The following FALEC variants were observed in gnomAD, a reference collection of about 807,000 sequenced individuals.
FALEC encodes the protein focally amplified lncRNA regulator of ECM1, also known as focally amplified lncRNA on chromosome 1.
chr1:150,535,835 A>T, the FALEC span, among the ~76,000 whole-genome samples: 3 of 152,304 alleles, frequency 2.0e-5, no homozygotes, highest in East Asian at 5.8e-4. Context: ...TCGGTCCAGC[A>T]ACTGGAGAAC....
At chr1:150,519,928 G>A (rs61819393), downstream of FALEC, among the ~76,000 whole-genome samples, 16,524 of 150,876 alleles carry the variant, frequency 0.11, 1,361 homozygotes, top group East Asian at 0.44. Flanking sequence ...CGAGGCAGAC[G>A]GATCACCTGA....
chr1:150,518,782 C>T (rs1473909017), downstream of FALEC, among the ~76,000 whole-genome samples: 1 of 152,032 alleles, frequency 6.6e-6, no homozygotes, highest in African/African-American at 2.4e-5. Context: ...CCTGGCCGGG[C>T]GCTGTGGCTC....
chr1:150,520,006 G>A (rs12067584), downstream of FALEC, among the ~76,000 whole-genome samples: 51 of 152,140 alleles, frequency 3.4e-4, no homozygotes, highest in African/African-American at 9.9e-4. Flanking sequence ...AAAATTAGCC[G>A]GGTGTGGTGG....
At chr1:150,534,433 G>T in the FALEC span, among the ~76,000 whole-genome samples, 1 of 152,210 alleles carries the variant, frequency 6.6e-6, no homozygotes, top group South Asian at 2.1e-4. Context: ...GAGTTCTTAT[G>T]AAGGGTTCAG....
chr1:150,516,548 A>G (rs1258890132), intron 1 of FALEC, among the ~76,000 whole-genome samples: 1 of 152,228 alleles, frequency 6.6e-6, no homozygotes, highest in Non-Finnish European at 1.5e-5. Context: ...GTGAGTTTGG[A>G]TAGAGCCTGG....
chr1:150,525,094 A>T, the FALEC span, among the ~76,000 whole-genome samples: 1 of 151,978 alleles, frequency 6.6e-6, no homozygotes, highest in Non-Finnish European at 1.5e-5. Context: ...CAGGAGTTCG[A>T]GACCAGCCTG....
the FALEC span, among the ~76,000 whole-genome samples, chr1:150,524,923 A>G: frequency 6.8e-6 from 1 of 146,586 alleles, no homozygotes; most frequent in Non-Finnish European, 1.5e-5. Context: ...TGAGCCCAGG[A>G]GTTTGAGGGT....
chr1:150,525,454 TAAAA>T, the FALEC span, among the ~76,000 whole-genome samples: 1 of 149,744 alleles, frequency 6.7e-6, no homozygotes, highest in Non-Finnish European at 1.5e-5. Flanking sequence ...GACCATGTCT[TAAAA>T]AACAAACAAA....
the FALEC span, among the ~76,000 whole-genome samples, chr1:150,533,726 C>G: frequency 6.6e-6 from 1 of 151,892 alleles, no homozygotes; most frequent in Non-Finnish European, 1.5e-5. Flanking sequence ...CATGAGCCAC[C>G]GTGCCCAGCC....
At chr1:150,522,114 G>C (rs1366436649), downstream of FALEC, among the ~76,000 whole-genome samples, 1 of 152,060 alleles carries the variant, frequency 6.6e-6, no homozygotes, top group Non-Finnish European at 1.5e-5. Flanking sequence ...GGGTGTGGTG[G>C]CCTGTGCCTG....
the FALEC span, among the ~76,000 whole-genome samples, chr1:150,523,864 C>T: frequency 0.017 from 2,571 of 152,074 alleles, 74 homozygotes; most frequent in African/African-American, 0.056. Flanking sequence ...GAATTATCTG[C>T]GCAGACTCTA....
At chr1:150,534,710 C>T in the FALEC span, among the ~76,000 whole-genome samples, 31 of 152,028 alleles carry the variant, frequency 2.0e-4, no homozygotes, top group African/African-American at 7.2e-4. Flanking sequence ...GGTGTGGTGG[C>T]GCGTGGCTGT....
At chr1:150,535,694 C>T in the FALEC span, among the ~76,000 whole-genome samples, 16 of 151,290 alleles carry the variant, frequency 1.1e-4, no homozygotes, top group East Asian at 2.1e-3. Context: ...TGGTCCATGG[C>T]CCCCTCCACA....
chr1:150,535,160 C>T, the FALEC span, among the ~76,000 whole-genome samples: 4 of 152,126 alleles, frequency 2.6e-5, no homozygotes, highest in South Asian at 4.1e-4. Flanking sequence ...CTGAGGCCTT[C>T]GAAATGGCTT....
the FALEC span, among the ~76,000 whole-genome samples, chr1:150,523,441 G>A: frequency 2.6e-5 from 4 of 151,520 alleles, no homozygotes; most frequent in East Asian, 5.9e-4. Context: ...GATCACCTGA[G>A]GTCAGGAGTT....
chr1:150,534,878 C>G, the FALEC span, among the ~76,000 whole-genome samples: 1 of 151,950 alleles, frequency 6.6e-6, no homozygotes, highest in Admixed American at 6.6e-5. Flanking sequence ...CTAACTCTCT[C>G]CAGAATCTTG....
the FALEC span, among the ~76,000 whole-genome samples, chr1:150,535,951 A>G: frequency 5.3e-5 from 8 of 152,244 alleles, no homozygotes; most frequent in African/African-American, 1.9e-4. Context: ...TTCATCACAC[A>G]GTCCTCCATG....
At chr1:150,530,422 T>C in the FALEC span, among the ~76,000 whole-genome samples, 1 of 152,200 alleles carries the variant, frequency 6.6e-6, no homozygotes, top group Non-Finnish European at 1.5e-5. Flanking sequence ...TACTGTGTGG[T>C]CCCATGCAGG....
chr1:150,517,639 GGCAGGCTGCAA>G (rs1670586828), intron 1 of FALEC: 1 of 152,268 alleles, frequency 6.6e-6, no homozygotes, highest in Admixed American at 6.5e-5. Flanking sequence ...ACAAGAAGTT[GGCAGGCTGCAA>G]CCTGGCAGAG....
Sources: gnomAD v4.1 joint callset for allele counts (sites outside exome capture counted in the v4.1 genomes callset) on GRCh38, gnomAD v4.1.1 for gene constraint, MANE v1.5 for transcripts, NCBI Gene and HGNC (gene_info 2026-07-23, HGNC 2026-07-21) for gene names.